NR2C1: variants seen among roughly 807,000 people sequenced by gnomAD.
The protein encoded by NR2C1 is TR2 nuclear hormone receptor.
NR2C1 carries 33 observed loss-of-function variants against 74.8 expected under a neutral mutation model. That is an observed-to-expected ratio of 0.44 (90% confidence interval 0.33 to 0.59). The LOEUF (loss-of-function observed/expected upper bound fraction) is 0.59, where lower values mean the gene tolerates loss of function less well. NR2C1 is among the 20% of genes least tolerant of loss of function. The pLI is 0.02. For missense variants in NR2C1, 568 were observed against 715.6 expected (o/e 0.79, Z 2.35); for synonymous variants, 225 against 240.6 (o/e 0.94, Z 0.60).
At position 95,021,804 on chromosome 12, in the gene NR2C1, TA is replaced by T. The variant is rs1868805097; in HGVS notation, c.*424del. 1 of 152,638 alleles carries T rather than the reference TA, an allele frequency of 6.6e-6. No homozygotes were observed. Among genetic ancestry groups the T allele is most frequent in the African/African-American group, 2.4e-5 (1 of 41,456 alleles). The allele number at this position is 152,638 out of a possible 1,614,324, so 9.5% of individuals were successfully genotyped here. A position where few individuals can be genotyped will look rare whatever the true frequency, so the allele number is the denominator to read the frequency against. ...TTAAACAAAAATTATTATGGCAGAG[TA>T]AAATGCAAGGAACTAACTCCTTAGG... On this transcript the variant is annotated 3_prime_UTR_variant, in exon 14 of 14. Coordinates refer to ENST00000333003, the MANE Select transcript of NR2C1 (RefSeq NM_003297.4).
intron 1 of NR2C1, among the ~76,000 whole-genome samples, chr12:95,070,030 T>A (rs1876359453): frequency 6.6e-6 from 1 of 152,222 alleles, no homozygotes; most frequent in East Asian, 1.9e-4. Context: ...GATAGCAGTG[T>A]CTGTTTTCTT....
chr12:95,042,689 A>T (rs1871722721), intron 9 of NR2C1, among the ~76,000 whole-genome samples: 2 of 152,246 alleles, frequency 1.3e-5, no homozygotes, highest in Non-Finnish European at 1.5e-5. Flanking sequence ...ACCAAGTAAT[A>T]AAACAAAAGG....
intron 1 of NR2C1, among the ~76,000 whole-genome samples, chr12:95,071,724 G>A (rs1876646039): frequency 1.3e-5 from 2 of 150,544 alleles, no homozygotes; most frequent in Non-Finnish European, 1.5e-5. Flanking sequence ...GAAAAACTAA[G>A]ATTAGCAACA....
chr12:95,062,918 G>C, intron 2 of NR2C1, 180 bp from the exon 3 acceptor site: 1 of 602,468 alleles, frequency 1.7e-6, no homozygotes, highest in South Asian at 2.0e-5. Flanking sequence ...GCAAACAAAG[G>C]TACAATAGTA....
At chr12:95,039,699 AT>A in intron 10 of NR2C1, among the ~76,000 whole-genome samples, 1 of 152,210 alleles carries the variant, frequency 6.6e-6, no homozygotes, top group East Asian at 1.9e-4. Flanking sequence ...CAATGTGATC[AT>A]GGCTTATTTC....
At chr12:95,023,026 G>GCTGGGTGCCAGTGGCTCACCT in intron 13 of NR2C1, among the ~76,000 whole-genome samples, 1 of 152,114 alleles carries the variant, frequency 6.6e-6, no homozygotes, top group South Asian at 2.1e-4. Context: ...AAGAATGGCG[G>GCTGGGTGCCAGTGGCTCACCT]CTGGGTGCCA....
intron 10 of NR2C1, 72 bp from the exon 11 acceptor site, chr12:95,031,560 CA>C: frequency 8.4e-7 from 1 of 1,195,228 alleles, no homozygotes; most frequent in Non-Finnish European, 1.1e-6. Context: ...ACAGCTAGTC[CA>C]AATACTTAAA....
At chr12:95,066,779 A>T (rs1257091859) in intron 2 of NR2C1, 1 of 152,990 alleles carries the variant, frequency 6.5e-6, no homozygotes, top group Non-Finnish European at 1.5e-5. Flanking sequence ...GTCTGTAGAA[A>T]ATTCCATTGT....
At chr12:95,055,762 G>A (rs1873740655) in intron 7 of NR2C1, among the ~76,000 whole-genome samples, 2 of 151,704 alleles carry the variant, frequency 1.3e-5, no homozygotes, top group Admixed American at 6.6e-5. Flanking sequence ...GACCATCCTG[G>A]CTAACATGGT....
chr12:95,048,933 GT>G, intron 9 of NR2C1, 134 bp downstream of exon 9: 1 of 846,778 alleles, frequency 1.2e-6, no homozygotes, highest in Non-Finnish European at 1.8e-6. Flanking sequence ...CCAGATGAGT[GT>G]TTTAGCTGCT....
chr12:95,065,489 T>C (rs1875545082), intron 2 of NR2C1, among the ~76,000 whole-genome samples: 1 of 152,164 alleles, frequency 6.6e-6, no homozygotes, highest in Admixed American at 6.6e-5. Context: ...TTTTTAATTT[T>C]CGTGGGTACA....
chr12:95,042,712 T>G (rs373490730), intron 9 of NR2C1, among the ~76,000 whole-genome samples: 32 of 152,288 alleles, frequency 2.1e-4, no homozygotes, highest in African/African-American at 7.5e-4. Flanking sequence ...AATTAATAGT[T>G]GAAATTCTGT....
chr12:95,070,374 C>T (rs540450913), intron 1 of NR2C1, among the ~76,000 whole-genome samples: 5 of 152,140 alleles, frequency 3.3e-5, no homozygotes, highest in Admixed American at 1.3e-4. Context: ...TCAAGTGATC[C>T]GCCCACCTCA....
At chr12:95,063,051 A>G (rs1214114957) in intron 2 of NR2C1, among the ~76,000 whole-genome samples, 1 of 152,258 alleles carries the variant, frequency 6.6e-6, no homozygotes, top group Non-Finnish European at 1.5e-5. Flanking sequence ...AGCAGTGAAT[A>G]AAACAAAACT....
At chr12:95,052,512 A>G (rs933899) in intron 7 of NR2C1, among the ~76,000 whole-genome samples, 11,190 of 152,234 alleles carry the variant, frequency 0.074, 506 homozygotes, top group East Asian at 0.16. Context: ...ACTGGAGTAC[A>G]GTGGCACGAC....
At chr12:95,031,016 A>T in intron 11 of NR2C1, 1 of 728,830 alleles carries the variant, frequency 1.4e-6, no homozygotes, top group African/African-American at 1.8e-5. Context: ...TCATTTAAAA[A>T]TTGCTGAGTA....
At chr12:95,071,910 G>A (rs988982384) in intron 1 of NR2C1, among the ~76,000 whole-genome samples, 1 of 150,768 alleles carries the variant, frequency 6.6e-6, no homozygotes, top group Non-Finnish European at 1.5e-5. Flanking sequence ...CACCACGCCC[G>A]ACTAATTTTG....
chr12:95,027,831 T>G (rs1200857676), intron 12 of NR2C1, among the ~76,000 whole-genome samples: 1 of 152,140 alleles, frequency 6.6e-6, no homozygotes, highest in Non-Finnish European at 1.5e-5. Flanking sequence ...TTTTTGTCAC[T>G]CCAAAAAAAA....
intron 12 of NR2C1, among the ~76,000 whole-genome samples, chr12:95,027,240 T>C (rs1437646566): frequency 6.6e-6 from 1 of 152,128 alleles, no homozygotes; most frequent in Admixed American, 6.5e-5. Flanking sequence ...GTTTTGATTT[T>C]TGTAGAGAAG....
Sources: allele counts gnomAD v4.1 joint callset (sites outside exome capture counted in the v4.1 genomes callset), GRCh38; gene constraint gnomAD v4.1.1; transcripts MANE v1.5; gene names NCBI Gene and HGNC (gene_info 2026-07-23, HGNC 2026-07-21).